Variants in ZNF486 observed in about 807,000 individuals in gnomAD.
ZNF486 encodes zinc finger protein 486, also known as KRAB box only protein 2.
Under a neutral mutation model 12.8 loss-of-function variants are expected in ZNF486, and 12 were observed. The ratio of observed to expected loss-of-function variants is 0.94; its 90% CI spans 0.60 to 1.52. ZNF486 has a LOEUF of 1.52. ZNF486 is among the 40% of genes most tolerant of loss of function. ZNF486 has a pLI of 0.00. For missense variants in ZNF486, 738 were observed against 545.0 expected, an observed-to-expected ratio of 1.35 and a Z score of -3.53; for synonymous variants, 231 against 184.9, an observed-to-expected ratio of 1.25 and a Z score of -2.02.
chr19:20,182,046 T>C (rs561164435), intron 1 of ZNF486, among the ~76,000 whole-genome samples: 17 of 152,352 alleles, frequency 1.1e-4, no homozygotes, highest in Non-Finnish European at 2.2e-4. Context: ...TTCAGTTTCC[T>C]CTATAAACTT....
chr19:20,197,505 C>T lies in ZNF486; in HGVS notation c.795C>T (p.Pro265=). 1 of 1,608,612 alleles carries T rather than the reference C, an allele frequency of 6.2e-7. No homozygotes were observed. The highest frequency in any genetic ancestry group is 8.5e-7 in the Non-Finnish European group (1 of 1,177,186). The change falls in exon 4 of 4, where the codon CCC becomes CCT. Residue 265 remains proline (P), a synonymous_variant. Transcript: ENST00000335117. ...AGAAAATTCATAGTGGAGAGAAACC[C>T]TACATTTGTGAAGAATGTGGCAAAG... ...THKKIHSGEK[P]YICEECGKAF...
At chr19:20,177,071 C>T (rs943794048) in intron 1 of ZNF486, 1 of 152,234 alleles carries the variant, frequency 6.6e-6, no homozygotes, top group Non-Finnish European at 1.5e-5. Context: ...CAGCTCAGGC[C>T]TCACTCTCTG....
Position 20,186,096 on chromosome 19 carries a change from A to G in ZNF486, c.253+14A>G. The G allele has an allele frequency of 6.4e-7, 1 of 1,568,278 alleles. No individual in the cohort carries two copies. Among genetic ancestry groups the G allele is most frequent in the Non-Finnish European group, 8.6e-7 (1 of 1,161,188 alleles). Reference sequence around the variant, plus strand: ...CCAAACCCCCAGGTAGGTGCGAATGAAAATGAACACAACAGACAATGCAGA... The same window carrying G: ...CCAAACCCCCAGGTAGGTGCGAATGGAAATGAACACAACAGACAATGCAGA... On this transcript the variant is annotated intron_variant, in intron 3 of 3. Transcript: ENST00000335117.
chr19:20,179,583 G>C (rs1431296292), intron 1 of ZNF486, among the ~76,000 whole-genome samples: 5 of 152,072 alleles, frequency 3.3e-5, no homozygotes, highest in African/African-American at 9.7e-5. Context: ...AAAGGATGCA[G>C]AGCCAAGTTG....
At chr19:20,175,872 C>G (rs1032210854) in intron 1 of ZNF486, among the ~76,000 whole-genome samples, 1 of 152,276 alleles carries the variant, frequency 6.6e-6, no homozygotes, top group Admixed American at 6.5e-5. Context: ...GGGTGGTGGC[C>G]GGGCAGAGGG....
intron 3 of ZNF486, among the ~76,000 whole-genome samples, chr19:20,195,901 C>T (rs1318644958): frequency 6.6e-6 from 1 of 151,956 alleles, no homozygotes; most frequent in Non-Finnish European, 1.5e-5. Flanking sequence ...TTTTTTTTAG[C>T]ATTTTATGTC....
Position 20,200,206 on chromosome 19 carries a change from A to G in ZNF486, c.*2104A>G, listed in dbSNP as rs1712995648. On this transcript the variant is annotated 3_prime_UTR_variant, in exon 4 of 4. Transcript: ENST00000335117. The stretch of plus-strand genomic sequence containing the variant: ...ATTCACATGTGAAAGCATGTGATCA[A>G]TTTTTGCTGCATCAGAGATATTAGA... 6.6e-6 allele frequency: 1 copy of G among 152,120 alleles called. No individual in the cohort carries two copies. The highest frequency in any genetic ancestry group is 2.1e-4 in the South Asian group (1 of 4,820). 9.4% of individuals were successfully genotyped at this position (152,120 alleles called of 1,614,324 possible).
chr19:20,181,873 C>CTAAGTGTTTATATAA (rs1555715639), intron 1 of ZNF486, among the ~76,000 whole-genome samples: 1 of 152,190 alleles, frequency 6.6e-6, no homozygotes, highest in East Asian at 1.9e-4. Context: ...ACACTTAGTA[C>CTAAGTGTTTATATAA]CAGCTTTCAG....
At chr19:20,167,734 CTCTTT>C (rs1465896425) in intron 1 of ZNF486, among the ~76,000 whole-genome samples, 1 of 152,110 alleles carries the variant, frequency 6.6e-6, no homozygotes, top group African/African-American at 2.4e-5. Flanking sequence ...TTCACAGTTT[CTCTTT>C]TCTTTTGTTA....
intron 1 of ZNF486, among the ~76,000 whole-genome samples, chr19:20,168,847 AATTT>A (rs1240832272): frequency 1.3e-5 from 2 of 151,796 alleles, no homozygotes; most frequent in Non-Finnish European, 2.9e-5. Flanking sequence ...GGTTAAAAAA[AATTT>A]TTTTTTTTTG....
intron 2 of ZNF486, among the ~76,000 whole-genome samples, chr19:20,184,795 G>A (rs1237042964): frequency 6.6e-6 from 1 of 152,068 alleles, no homozygotes; most frequent in African/African-American, 2.4e-5. Flanking sequence ...TGATTCAGTA[G>A]TATCAGGTAG....
chr19:20,197,611 A>G lies in ZNF486; in HGVS notation c.901A>G (p.Lys301Glu). The change falls in exon 4 of 4, where the codon AAA becomes GAA. Residue 301 changes from lysine (K) to glutamate (E), a missense_variant. By Grantham distance (56) the Lys-to-Glu change is moderately conservative. Coordinates refer to ENST00000335117, the MANE Select transcript of ZNF486 (RefSeq NM_052852.4). The stretch of plus-strand genomic sequence containing the variant: ...ACCCTACAAATGTAAAGAATGTGAC[A>G]AAGCTTTTAACCATCCTGCAACTCT... Reference protein sequence around the residue: ...EQPYKCKECDKAFNHPATLSS... With the variant: ...EQPYKCKECDEAFNHPATLSS... 6.2e-7 allele frequency: 1 copy of G among 1,613,930 alleles called. No homozygotes were observed. Among genetic ancestry groups the G allele is most frequent in the Non-Finnish European group, 8.5e-7 (1 of 1,179,868 alleles).
chr19:20,183,328 A>G (rs1555715856), intron 1 of ZNF486, among the ~76,000 whole-genome samples: 1 of 152,212 alleles, frequency 6.6e-6, no homozygotes, highest in Non-Finnish European at 1.5e-5. Flanking sequence ...TCTATGCAGA[A>G]CAGGATTAAG....
chr19:20,176,451 T>C (rs1223068161), intron 1 of ZNF486: 21 of 208,104 alleles, frequency 1.0e-4, no homozygotes, highest in East Asian at 1.6e-4. Flanking sequence ...GCAATCTCGG[T>C]ACTTTGGGAG....
intron 1 of ZNF486, among the ~76,000 whole-genome samples, 183 bp downstream of exon 1, chr19:20,167,543 G>A (rs922504631): frequency 7.9e-5 from 12 of 152,182 alleles, no homozygotes; most frequent in South Asian, 2.1e-4. Context: ...CGGTCCCGGG[G>A]CGTCCTGTCT....
At chr19:20,190,637 G>A (rs1445558733) in intron 3 of ZNF486, among the ~76,000 whole-genome samples, 1 of 152,122 alleles carries the variant, frequency 6.6e-6, no homozygotes, top group Non-Finnish European at 1.5e-5. Context: ...CTCTTACCTA[G>A]GTCTCCCAAA....
chr19:20,198,054 C>G lies in ZNF486; in HGVS notation c.1344C>G (p.Asp448Glu), dbSNP rs782066620. Residue 448 changes from aspartate to glutamate, a missense_variant, in exon 4 of 4, where the codon GAC becomes GAG. Physicochemically the swap from Asp to Glu is conservative, Grantham distance 45. Coordinates refer to ENST00000335117, the MANE Select transcript of ZNF486 (RefSeq NM_052852.4). Reference protein sequence around the residue: ...ECGKAFNWSSDLNKHKRIHIG... With the variant: ...ECGKAFNWSSELNKHKRIHIG... The stretch of plus-strand genomic sequence containing the variant: ...GCAAAGCTTTTAACTGGTCCTCAGA[C>G]CTTAATAAACATAAGAGAATTCATA... 8 of 1,609,808 alleles carry G rather than the reference C, an allele frequency of 5.0e-6. No individual in the cohort carries two copies. The highest frequency in any genetic ancestry group is 6.8e-6 in the Non-Finnish European group (8 of 1,177,760).
intron 1 of ZNF486, among the ~76,000 whole-genome samples, chr19:20,170,331 A>G (rs1040198110): frequency 1.6e-4 from 25 of 151,966 alleles, no homozygotes; most frequent in African/African-American, 5.8e-4. Flanking sequence ...TAATCCTAGC[A>G]CCTTGGGAGG....
intron 1 of ZNF486, among the ~76,000 whole-genome samples, chr19:20,183,623 T>C (rs2089810429): frequency 6.6e-6 from 1 of 152,228 alleles, no homozygotes; most frequent in Non-Finnish European, 1.5e-5. Flanking sequence ...GTGCAGTTAA[T>C]GGTTAATGAT....
Sources: gnomAD v4.1 joint callset for allele counts (sites outside exome capture counted in the v4.1 genomes callset) on GRCh38, gnomAD v4.1.1 for gene constraint, MANE v1.5 for transcripts, NCBI Gene and HGNC (gene_info 2026-07-23, HGNC 2026-07-21) for gene names.